Variants in CTTNBP2NL observed in about 807,000 individuals in gnomAD.
CTTNBP2NL encodes CTTNBP2 N-terminal like.
CTTNBP2NL carries 16 observed loss-of-function variants against 32.5 expected under a neutral mutation model. The ratio of observed to expected loss-of-function variants is 0.49; its 90% CI spans 0.33 to 0.75. CTTNBP2NL has a LOEUF of 0.75. Ranked by LOEUF, CTTNBP2NL falls within the 30% of genes least tolerant of loss-of-function variation. The pLI, the probability that CTTNBP2NL is intolerant of heterozygous loss-of-function variation, is 0.02. For missense variants in CTTNBP2NL, 645 were observed against 756.0 expected (o/e 0.85, Z 1.72); for synonymous variants, 298 against 289.4 (o/e 1.03, Z -0.30).
chr1:112,411,125 A>G (rs1048414666), intron 1 of CTTNBP2NL, among the ~76,000 whole-genome samples: 5 of 152,204 alleles, frequency 3.3e-5, no homozygotes, highest in African/African-American at 7.2e-5. Flanking sequence ...TCTTGACTGT[A>G]TAACAAATTC....
rs36002206 is a variant in CTTNBP2NL at position 112,409,127 on chromosome 1, CAAAAA to C, written c.-133-3051_-133-3047del. 6.2e-5 allele frequency among the ~76,000 whole-genome samples: 5 copies of C among 80,238 alleles called. No homozygotes were observed. In the Admixed American group the frequency reaches 6.8e-4, roughly 11 times the overall value. 52.6% of individuals were successfully genotyped at this position (80,238 alleles called of 152,430 possible). A position where few individuals can be genotyped will look rare whatever the true frequency, so the allele number is the denominator to read the frequency against. ...TGGGCAACCAAGTGAGACTCTGTCT[CAAAAA>C]AAAAAAAAAAAAAAAGGAGTCTTTA... On this transcript the variant is annotated intron_variant, in intron 1 of 5. Transcript: ENST00000271277.
intron 1 of CTTNBP2NL, among the ~76,000 whole-genome samples, chr1:112,404,982 G>A (rs3128355): frequency 3.7e-4 from 56 of 151,968 alleles, no homozygotes; most frequent in African/African-American, 1.3e-3. Flanking sequence ...ACCAGGAGGC[G>A]GAGGTTGCGG....
At chr1:112,393,884 G>T (rs945116362), upstream of CTTNBP2NL, among the ~76,000 whole-genome samples, 34 of 152,230 alleles carry the variant, frequency 2.2e-4, no homozygotes, top group South Asian at 1.0e-3. Context: ...GTGGTGGTGG[G>T]TTAACAGCTA....
intron 3 of CTTNBP2NL, among the ~76,000 whole-genome samples, chr1:112,423,299 T>C (rs2101008380): frequency 6.6e-6 from 1 of 152,278 alleles, no homozygotes; most frequent in Admixed American, 6.5e-5. Flanking sequence ...TTAAGATACT[T>C]AACTGTTATA....
chr1:112,419,215 A>T (rs12062325), intron 3 of CTTNBP2NL, among the ~76,000 whole-genome samples: 2,580 of 152,284 alleles, frequency 0.017, 86 homozygotes, highest in African/African-American at 0.06. Flanking sequence ...ACAGGCAAAA[A>T]TGTTGTAGAC....
intron 3 of CTTNBP2NL, among the ~76,000 whole-genome samples, chr1:112,419,627 A>G (rs1311742834): frequency 6.6e-6 from 1 of 152,192 alleles, no homozygotes; most frequent in African/African-American, 2.4e-5. Context: ...ACGGCCTTGT[A>G]CTTATTATGG....
chr1:112,424,178 C>T (rs763433072), intron 3 of CTTNBP2NL, among the ~76,000 whole-genome samples: 1 of 152,012 alleles, frequency 6.6e-6, no homozygotes, highest in Non-Finnish European at 1.5e-5. Flanking sequence ...ACACTTAAGT[C>T]TATGATATAT....
intron 3 of CTTNBP2NL, 56 bp from the exon 4 acceptor site, chr1:112,448,886 C>A (rs1377096008): frequency 1.0e-6 from 1 of 971,944 alleles, no homozygotes; most frequent in South Asian, 1.4e-5. Context: ...ATAGCAAATC[C>A]CCCTTCCTCA....
intron 3 of CTTNBP2NL, among the ~76,000 whole-genome samples, chr1:112,432,066 A>ATTTTTTTTTT (rs11440212): frequency 3.4e-4 from 31 of 91,048 alleles, no homozygotes; most frequent in Non-Finnish European, 4.9e-4. Flanking sequence ...ATATATTTTG[A>ATTTTTTTTTT]TTTTTTTTTT....
intron 1 of CTTNBP2NL, among the ~76,000 whole-genome samples, chr1:112,406,035 T>A (rs1313683197): frequency 2.0e-5 from 3 of 150,358 alleles, no homozygotes; most frequent in Non-Finnish European, 4.4e-5. Context: ...AATAGAAAAA[T>A]TAGCTGGGCG....
chr1:112,437,929 T>C (rs1448214927), intron 3 of CTTNBP2NL, among the ~76,000 whole-genome samples: 1 of 152,198 alleles, frequency 6.6e-6, no homozygotes, highest in Non-Finnish European at 1.5e-5. Flanking sequence ...TGATAGTTTC[T>C]TTTGCTGTGC....
intron 3 of CTTNBP2NL, among the ~76,000 whole-genome samples, chr1:112,417,458 CAT>C (rs750929017): frequency 2.6e-4 from 39 of 152,322 alleles, no homozygotes; most frequent in Non-Finnish European, 4.1e-4. Flanking sequence ...GCTTTTTGCA[CAT>C]GTTTTCCTAA....
intron 3 of CTTNBP2NL, among the ~76,000 whole-genome samples, chr1:112,423,276 ATT>A (rs1243927478): frequency 6.6e-6 from 1 of 151,454 alleles, no homozygotes; most frequent in African/African-American, 2.4e-5. Context: ...TCTTAACTCT[ATT>A]TTTTTTACAG....
At chr1:112,428,103 T>A (rs1477509238) in intron 3 of CTTNBP2NL, among the ~76,000 whole-genome samples, 12 of 151,830 alleles carry the variant, frequency 7.9e-5, no homozygotes, top group Admixed American at 7.2e-4. Flanking sequence ...ACACACACAC[T>A]CACACACATA....
intron 1 of CTTNBP2NL, among the ~76,000 whole-genome samples, chr1:112,410,633 A>G (rs983142947): frequency 1.1e-4 from 17 of 152,204 alleles, no homozygotes; most frequent in African/African-American, 3.6e-4. Flanking sequence ...AGACTGTAGC[A>G]TTCCTTAGAA....
chr1:112,431,125 A>G (rs1649558602), intron 3 of CTTNBP2NL, among the ~76,000 whole-genome samples: 1 of 152,214 alleles, frequency 6.6e-6, no homozygotes, highest in Non-Finnish European at 1.5e-5. Context: ...TATTTAGAGA[A>G]CATACAGTTT....
chr1:112,456,460 A>G lies in CTTNBP2NL; in HGVS notation c.968A>G (p.His323Arg), dbSNP rs376709520. Residue 323 changes from histidine to arginine, a missense_variant, in exon 6 of 6, where the codon CAT becomes CGT. By Grantham distance (29) the His-to-Arg change is conservative. Transcript: ENST00000271277. Reference sequence around the variant, plus strand: ...GAGAGTTTTCCAGCAGAAAGAACCCATGGGAGCAACATAGCCAAGATGACA... The same window carrying G: ...GAGAGTTTTCCAGCAGAAAGAACCCGTGGGAGCAACATAGCCAAGATGACA... ...QTESFPAERTHGSNIAKMTNT... is the reference protein window; with the variant it reads ...QTESFPAERTRGSNIAKMTNT... 22 of 1,614,144 alleles carry G rather than the reference A, an allele frequency of 1.4e-5. No homozygotes were observed. Among genetic ancestry groups the G allele is most frequent in the African/African-American group, 1.1e-4 (8 of 75,038 alleles).
At chr1:112,402,726 G>C (rs988268254) in intron 1 of CTTNBP2NL, among the ~76,000 whole-genome samples, 2 of 152,096 alleles carry the variant, frequency 1.3e-5, no homozygotes, top group African/African-American at 4.8e-5. Flanking sequence ...ACAATGATCT[G>C]GTCTAGCCCT....
At chr1:112,424,403 T>A (rs1456418604) in intron 3 of CTTNBP2NL, among the ~76,000 whole-genome samples, 1 of 152,256 alleles carries the variant, frequency 6.6e-6, no homozygotes, top group Non-Finnish European at 1.5e-5. Context: ...TTGATGCCAG[T>A]ACCACACTGT....
Sources: allele counts gnomAD v4.1 joint callset (sites outside exome capture counted in the v4.1 genomes callset), GRCh38; gene constraint gnomAD v4.1.1; transcripts MANE v1.5; gene names NCBI Gene and HGNC (gene_info 2026-07-23, HGNC 2026-07-21).